The following FTO variants were observed in gnomAD, a reference collection of about 807,000 sequenced individuals.
FTO encodes FTO alpha-ketoglutarate dependent dioxygenase.
Under a neutral mutation model 63.9 loss-of-function variants are expected in FTO, and 47 were observed. The ratio of observed to expected loss-of-function variants is 0.74; its 90% confidence interval spans 0.58 to 0.94. The LOEUF is 0.94. FTO is among the 40% of genes least tolerant of loss of function. The pLI is 0.00. For missense variants in FTO, 562 were observed against 618.1 expected (o/e 0.91, Z 0.96); for synonymous variants, 207 against 224.4 (o/e 0.92, Z 0.69).
At chr16:53,817,954 A>AT (rs1191101215) in intron 2 of FTO, among the ~76,000 whole-genome samples, 1 of 152,212 alleles carries the variant, frequency 6.6e-6, no homozygotes, top group Non-Finnish European at 1.5e-5. Flanking sequence ...GCTAATATAA[A>AT]TTTCATGACT....
chr16:54,066,834 G>A (rs1429557096), intron 8 of FTO, among the ~76,000 whole-genome samples: 1 of 152,226 alleles, frequency 6.6e-6, no homozygotes, highest in East Asian at 1.9e-4. Flanking sequence ...GCACAATACT[G>A]CACTGTAGAG....
chr16:53,838,508 A>G (rs190992143), intron 3 of FTO, among the ~76,000 whole-genome samples: 1 of 151,566 alleles, frequency 6.6e-6, no homozygotes, highest in African/African-American at 2.4e-5. Flanking sequence ...ACGGGATTTC[A>G]CCATGTTGGC....
chr16:53,934,151 C>T (rs1428156765), intron 8 of FTO, 42 bp downstream of exon 8: 9 of 1,611,610 alleles, frequency 5.6e-6, no homozygotes, highest in Non-Finnish European at 7.6e-6. Context: ...TCTTGACAAA[C>T]AAGAACTATA....
chr16:53,909,928 A>G (rs2081644941), intron 7 of FTO, among the ~76,000 whole-genome samples: 1 of 151,978 alleles, frequency 6.6e-6, no homozygotes, highest in Admixed American at 6.6e-5. Context: ...TTTAGACTAG[A>G]GTACAGTGGT....
chr16:53,864,370 A>G (rs1171113774), intron 4 of FTO, among the ~76,000 whole-genome samples: 5 of 152,180 alleles, frequency 3.3e-5, no homozygotes, highest in Non-Finnish European at 7.4e-5. Flanking sequence ...AGGGTGACCA[A>G]CTGTCCTTTT....
At chr16:54,004,387 TGCAA>T (rs1233459090) in intron 8 of FTO, among the ~76,000 whole-genome samples, 1 of 103,964 alleles carries the variant, frequency 9.6e-6, no homozygotes, top group African/African-American at 4.8e-5. Context: ...AGCAAGACCC[TGCAA>T]ATAAATAAAT....
chr16:53,846,801 C>CAAAAA (rs55982417), intron 4 of FTO, among the ~76,000 whole-genome samples: 1 of 106,898 alleles, frequency 9.4e-6, no homozygotes, highest in Non-Finnish European at 2.0e-5. Context: ...GACTCAGTCT[C>CAAAAA]AAAAAAAAAA....
At chr16:53,737,971 T>G (rs867411184) in intron 1 of FTO, among the ~76,000 whole-genome samples, 1 of 152,004 alleles carries the variant, frequency 6.6e-6, no homozygotes, top group South Asian at 2.1e-4. Flanking sequence ...TTTTCTTTTT[T>G]GAGACAAGGT....
At chr16:54,079,479 C>T (rs780683559) in intron 8 of FTO, among the ~76,000 whole-genome samples, 2 of 152,102 alleles carry the variant, frequency 1.3e-5, no homozygotes, top group African/African-American at 2.4e-5. Flanking sequence ...ATGGCAGCCA[C>T]TAGAAGAAAA....
intron 8 of FTO, among the ~76,000 whole-genome samples, chr16:54,065,612 C>T (rs1219929530): frequency 2.0e-5 from 3 of 152,172 alleles, no homozygotes; most frequent in Non-Finnish European, 1.5e-5. Context: ...TACTTTTCAG[C>T]GAGAGTGCTT....
intron 1 of FTO, among the ~76,000 whole-genome samples, chr16:53,776,486 GA>G (rs558442481): frequency 1.4e-4 from 22 of 152,246 alleles, no homozygotes; most frequent in African/African-American, 4.8e-4. Context: ...TTTGGCTTCA[GA>G]ACCCTTTTAT....
chr16:54,107,086 AT>A (rs1288321968), intron 8 of FTO, among the ~76,000 whole-genome samples: 7 of 147,762 alleles, frequency 4.7e-5, no homozygotes, highest in Admixed American at 2.7e-4. Flanking sequence ...TATATTTAAA[AT>A]ATTTATATAT....
chr16:53,775,578 A>G (rs1305939923), intron 1 of FTO, among the ~76,000 whole-genome samples: 2 of 152,162 alleles, frequency 1.3e-5, no homozygotes, highest in African/African-American at 4.8e-5. Flanking sequence ...GAGGCTCCTC[A>G]TTACATGCAG....
chr16:53,865,161 A>G (rs577752802), intron 4 of FTO, among the ~76,000 whole-genome samples: 1 of 152,120 alleles, frequency 6.6e-6, no homozygotes, highest in Non-Finnish European at 1.5e-5. Context: ...TGAGACTGGC[A>G]TTTATGTATT....
At chr16:53,938,159 C>T (rs79868385) in intron 8 of FTO, among the ~76,000 whole-genome samples, 8,886 of 152,290 alleles carry the variant, frequency 0.058, 375 homozygotes, top group South Asian at 0.18. Flanking sequence ...TTATTGTGCA[C>T]TCTTTAGTAC....
chr16:54,035,596 A>G (rs950563873), intron 8 of FTO, among the ~76,000 whole-genome samples: 2 of 152,290 alleles, frequency 1.3e-5, no homozygotes, highest in African/African-American at 4.8e-5. Flanking sequence ...TGGAGCCATT[A>G]TGGTGTGTCA....
chr16:53,934,243 CA>C, intron 8 of FTO, 134 bp downstream of exon 8: 1 of 919,322 alleles, frequency 1.1e-6, no homozygotes, highest in Non-Finnish European at 1.7e-6. Flanking sequence ...AAGATGCTTT[CA>C]GCTAAAGTTA....
chr16:53,743,793 T>C (rs912606553), intron 1 of FTO, among the ~76,000 whole-genome samples: 1 of 151,872 alleles, frequency 6.6e-6, no homozygotes, highest in Non-Finnish European at 1.5e-5. Context: ...GTTACCATTT[T>C]TTTCCCCCTG....
intron 8 of FTO, among the ~76,000 whole-genome samples, chr16:54,063,119 T>C (rs60982729): frequency 2.5e-3 from 374 of 152,332 alleles, no homozygotes; most frequent in African/African-American, 8.3e-3. Flanking sequence ...GTCTTTTTGT[T>C]GGTAAGTTCA....
Sources: gnomAD v4.1 joint callset for allele counts (sites outside exome capture counted in the v4.1 genomes callset) on GRCh38, gnomAD v4.1.1 for gene constraint, MANE v1.5 for transcripts, NCBI Gene and HGNC (gene_info 2026-07-23, HGNC 2026-07-21) for gene names.